The following MESD variants were observed in gnomAD, a reference collection of about 807,000 sequenced individuals.
MESD encodes the protein mesoderm development LRP chaperone.
In MESD, 7 loss-of-function variants were observed where a neutral mutation model predicts 12.9. That is an observed-to-expected ratio of 0.54 (90% confidence interval 0.31 to 1.02). MESD has a LOEUF of 1.02. MESD is among the 50% of genes least tolerant of loss of function. The pLI is 0.05. For missense variants in MESD, 342 were observed against 296.7 expected (o/e 1.15, Z -1.12); for synonymous variants, 126 against 115.6 (o/e 1.09, Z -0.58).
Position 80,988,833 on chromosome 15 carries a change from T to C in MESD, c.213+746A>G, listed in dbSNP as rs945080661. 3.3e-5 allele frequency among the ~76,000 whole-genome samples: 5 copies of C among 152,046 alleles called. No homozygotes were observed. In the South Asian group the frequency reaches 1.0e-3, roughly 31 times the overall value. On this transcript the variant is annotated intron_variant, in intron 1 of 2. Coordinates refer to ENST00000261758, the MANE Select transcript of MESD (RefSeq NM_015154.3). ...ATGCAAGTCAACCAGGACGATACAA[T>C]CACCTTAGGAAGGGGAAAAGGCAGC...
chr15:80,965,332 G>A (rs1342711159), intron 3 of MESD, among the ~76,000 whole-genome samples: 1 of 152,196 alleles, frequency 6.6e-6, no homozygotes, highest in Non-Finnish European at 1.5e-5. Flanking sequence ...TGGAGAAACA[G>A]GAACACTTTT....
intron 3 of MESD, among the ~76,000 whole-genome samples, chr15:80,961,069 G>A (rs1208121512): frequency 6.6e-6 from 1 of 152,176 alleles, no homozygotes; most frequent in Non-Finnish European, 1.5e-5. Context: ...CTCTCTCTCA[G>A]TATCGCCAGG....
In MESD at chr15:80,982,202, G is replaced by A. The variant is rs1004126347; in HGVS notation, c.214-20C>T. 16 of 1,597,100 alleles carry A rather than the reference G, an allele frequency of 1.0e-5. No individual in the cohort carries two copies. Among genetic ancestry groups the A allele is most frequent in the Non-Finnish European group, 1.3e-5 (15 of 1,165,952 alleles). On this transcript the variant is annotated intron_variant, in intron 1 of 2. Transcript: ENST00000261758. Reference sequence around the variant, plus strand: ...ATCTTTCTATCAGATTAGGGGAAAAGCATCAAACCTATCATCAGAATCTTG... The same window carrying A: ...ATCTTTCTATCAGATTAGGGGAAAAACATCAAACCTATCATCAGAATCTTG...
At chr15:80,956,927 C>T (rs954143659) in intron 3 of MESD, among the ~76,000 whole-genome samples, 14 of 152,126 alleles carry the variant, frequency 9.2e-5, no homozygotes, top group African/African-American at 3.4e-4. Context: ...AAGGGATCCT[C>T]CTACCTCACC....
At chr15:80,949,142 CAATGCTGGAAACATTCA>C in intron 4 of MESD, 1 of 622,758 alleles carries the variant, frequency 1.6e-6, no homozygotes, top group South Asian at 1.8e-5. Flanking sequence ...CGGTGCTGGC[CAATGCTGGAAACATTCA>C]CTTTCCTGCA....
chr15:80,951,313 G>A (rs1012087496), intron 4 of MESD: 4 of 152,610 alleles, frequency 2.6e-5, no homozygotes, highest in Non-Finnish European at 4.4e-5. Context: ...TACAGGATCT[G>A]TACATAAAAG....
Position 80,979,389 on chromosome 15 carries a change from T to G in MESD, c.535A>C (p.Arg179=). Reference sequence around the variant, plus strand: ...CCCTCCAGAGTTACATCAGCACACCTGTCTTGACCGACCAAAAAGTCCTTG... The same window carrying G: ...CCCTCCAGAGTTACATCAGCACACCGGTCTTGACCGACCAAAAAGTCCTTG... The part of the protein sequence containing the change: ...EIKDFLVGQD[R]CADVTLEGQV... Residue 179 remains arginine, a synonymous_variant, in exon 3 of 3, where the codon AGG becomes CGG. Transcript: ENST00000261758. 6.2e-6 allele frequency: 10 copies of G among 1,614,234 alleles called. No individual in the cohort carries two copies. Among genetic ancestry groups the G allele is most frequent in the Non-Finnish European group, 8.5e-6 (10 of 1,180,042 alleles).
exon 5 of MESD, chr15:80,948,821 A>C (rs1397184231): frequency 3.7e-6 from 6 of 1,614,196 alleles, no homozygotes; most frequent in Non-Finnish European, 8.5e-7. Context: ...GTTGGCTTCA[A>C]AGGCAGCTTC....
At chr15:80,981,385 T>C (rs112213447) in intron 2 of MESD, among the ~76,000 whole-genome samples, 25,452 of 132,824 alleles carry the variant, frequency 0.19, 2,399 homozygotes, top group African/African-American at 0.29. Context: ...TGCAGTGAGC[T>C]GAGACTGCGC....
intron 3 of MESD, among the ~76,000 whole-genome samples, chr15:80,966,981 T>C (rs951971485): frequency 3.3e-5 from 5 of 152,128 alleles, no homozygotes; most frequent in Non-Finnish European, 5.9e-5. Context: ...GCTCAAGGCA[T>C]TGATTTTAAA....
At chr15:80,948,965 C>T (rs779131271) in intron 4 of MESD, 9 of 1,613,112 alleles carry the variant, frequency 5.6e-6, no homozygotes, top group African/African-American at 4.0e-5. Context: ...TAGACTATGA[C>T]GGTGACTCTT....
chr15:80,973,374 C>A (rs1235333087), downstream of MESD, among the ~76,000 whole-genome samples: 1 of 151,882 alleles, frequency 6.6e-6, no homozygotes, highest in Middle Eastern at 3.2e-3. Flanking sequence ...ACAACAACAA[C>A]AAAACCCCAC....
intron 3 of MESD, among the ~76,000 whole-genome samples, chr15:80,964,241 A>C (rs999432887): frequency 6.6e-5 from 10 of 152,206 alleles, no homozygotes; most frequent in African/African-American, 2.4e-4. Context: ...CAAAGAGAAT[A>C]AAATACCTAG....
At chr15:80,961,940 C>A (rs749952885) in intron 3 of MESD, among the ~76,000 whole-genome samples, 1 of 152,084 alleles carries the variant, frequency 6.6e-6, no homozygotes, top group Non-Finnish European at 1.5e-5. Flanking sequence ...AATTAACGGG[C>A]GAAATAACCA....
At chr15:80,953,086 C>T in intron 3 of MESD, 1 of 456,054 alleles carries the variant, frequency 2.2e-6, no homozygotes, top group Non-Finnish European at 4.4e-6. Flanking sequence ...GAGGCAGAGT[C>T]TGACAGAGGG....
In MESD at chr15:80,956,774, C is replaced by T. The variant is rs900906618; in HGVS notation, c.*289-4478G>A. Among the ~76,000 whole-genome samples, 6 of 152,024 alleles carry T rather than the reference C, an allele frequency of 3.9e-5. No individual in the cohort carries two copies. The East Asian group carries it at 9.6e-4, about 24-fold the overall frequency. On this transcript the variant is annotated intron_variant, in intron 3 of 4. Coordinates refer to the MESD transcript ENST00000561312. ...ATAACAAGCAAAACAGATACAAGGA[C>T]GGAGCATGCAGAGGGGGTGGCTGTG... is the stretch of plus-strand genomic sequence containing the variant.
intron 1 of MESD, among the ~76,000 whole-genome samples, chr15:80,984,715 C>A (rs1384342751): frequency 6.6e-6 from 1 of 152,122 alleles, no homozygotes; most frequent in African/African-American, 2.4e-5. Context: ...CTAAAATGTA[C>A]ACTTTACATG....
chr15:80,955,502 A>AAAAAAAAAAAG (rs1483500188), intron 3 of MESD, among the ~76,000 whole-genome samples: 10 of 143,412 alleles, frequency 7.0e-5, no homozygotes, highest in African/African-American at 2.7e-4. Context: ...AAAAAAAAAA[A>AAAAAAAAAAAG]AAAGAAATGC....
Position 80,989,762 on chromosome 15 carries a change from G to T in MESD, c.30C>A (p.Ala10=). ...GGTCAGAGGCACAAAGCAGGACCACGGCCTTGCGCGCCCACCTGGAAGCCG... is the reference window on the plus strand; with the variant it reads ...GGTCAGAGGCACAAAGCAGGACCACTGCCTTGCGCGCCCACCTGGAAGCCG... The part of the protein sequence containing the change: MAASRWARK[A]VVLLCASDLL... The change falls in exon 1 of 3, where the codon GCC becomes GCA. Residue 10 remains alanine (A), a synonymous_variant. Coordinates refer to ENST00000261758, the MANE Select transcript of MESD (RefSeq NM_015154.3). The T allele has an allele frequency of 2.5e-6, 4 of 1,596,146 alleles. No homozygotes were observed. Among genetic ancestry groups the T allele is most frequent in the African/African-American group, 2.7e-5 (2 of 74,918 alleles).
Sources: gnomAD v4.1 joint callset for allele counts (sites outside exome capture counted in the v4.1 genomes callset) on GRCh38, gnomAD v4.1.1 for gene constraint, MANE v1.5 for transcripts, NCBI Gene and HGNC (gene_info 2026-07-23, HGNC 2026-07-21) for gene names.